SPATA6: variants seen among roughly 807,000 people sequenced by gnomAD.
The protein encoded by SPATA6 is spermatogenesis associated 6, also known as spermatogenesis-associated protein 6.
A neutral mutation model predicts 65.3 loss-of-function variants in SPATA6; 56 were observed. The ratio of observed to expected loss-of-function variants is 0.86; its 90% CI spans 0.69 to 1.07. SPATA6 has a LOEUF of 1.07. Ranked by LOEUF, SPATA6 falls within the 50% of genes least tolerant of loss-of-function variation. The pLI, the probability that SPATA6 is intolerant of heterozygous loss-of-function variation, is 0.00. For synonymous variants in SPATA6, 199 were observed against 213.2 expected (o/e 0.93, Z 0.58); for missense variants, 590 against 594.8 (o/e 0.99, Z 0.08).
At chr1:48,283,754 G>A in the SPATA6 span, among the ~76,000 whole-genome samples, 1 of 133,666 alleles carries the variant, frequency 7.5e-6, no homozygotes, top group Non-Finnish European at 1.6e-5. Context: ...CTGAATATTG[G>A]TCCCCACTCT....
At chr1:48,388,341 C>T (rs891570085) in intron 8 of SPATA6, among the ~76,000 whole-genome samples, 1 of 151,836 alleles carries the variant, frequency 6.6e-6, no homozygotes, top group Non-Finnish European at 1.5e-5. Flanking sequence ...AGGAAAAAGT[C>T]CCCCCAAAAC....
At chr1:48,467,226 T>C (rs1370635287) in intron 1 of SPATA6, among the ~76,000 whole-genome samples, 3 of 152,126 alleles carry the variant, frequency 2.0e-5, no homozygotes, top group Admixed American at 2.0e-4. Flanking sequence ...CATCCAAACC[T>C]TTCTATGTTT....
chr1:48,364,197 ATTG>A (rs1431614287), intron 9 of SPATA6, among the ~76,000 whole-genome samples: 6 of 152,066 alleles, frequency 3.9e-5, no homozygotes, highest in Admixed American at 2.6e-4. Flanking sequence ...AATCCAATCT[ATTG>A]TTGTTGGACA....
intron 1 of SPATA6, among the ~76,000 whole-genome samples, chr1:48,456,668 C>T (rs1243974054): frequency 6.6e-6 from 1 of 151,904 alleles, no homozygotes; most frequent in Non-Finnish European, 1.5e-5. Flanking sequence ...TAAGAAATAT[C>T]AATAAAGAGA....
intron 1 of SPATA6, among the ~76,000 whole-genome samples, chr1:48,467,926 T>C (rs188015335): frequency 1.7e-4 from 26 of 152,294 alleles, no homozygotes; most frequent in African/African-American, 4.8e-4. Context: ...AGGGGAACCC[T>C]TGTACACCGT....
At chr1:48,469,786 G>A (rs1241890994) in intron 1 of SPATA6, among the ~76,000 whole-genome samples, 3 of 150,428 alleles carry the variant, frequency 2.0e-5, no homozygotes, top group South Asian at 2.1e-4. Flanking sequence ...TAACTTTTAC[G>A]TCTGCTAGTG....
At chr1:48,323,009 G>A (rs1343826626) in intron 11 of SPATA6, among the ~76,000 whole-genome samples, 1 of 152,190 alleles carries the variant, frequency 6.6e-6, no homozygotes, top group African/African-American at 2.4e-5. Context: ...GGAAGACAGT[G>A]TGCCAATTCC....
intron 8 of SPATA6, among the ~76,000 whole-genome samples, chr1:48,385,753 G>A (rs1175783687): frequency 6.6e-6 from 1 of 152,022 alleles, no homozygotes; most frequent in Non-Finnish European, 1.5e-5. Context: ...CTAGATTCAG[G>A]TGTAAAGAAA....
chr1:48,439,040 G>A (rs550909603), intron 3 of SPATA6, among the ~76,000 whole-genome samples: 2 of 152,236 alleles, frequency 1.3e-5, no homozygotes, highest in East Asian at 3.9e-4. Flanking sequence ...TTCCAACCCT[G>A]GAGATCCCTT....
At chr1:48,443,675 C>T (rs1655733297) in intron 3 of SPATA6, among the ~76,000 whole-genome samples, 1 of 152,134 alleles carries the variant, frequency 6.6e-6, no homozygotes, top group Admixed American at 6.5e-5. Context: ...GTATGAGATG[C>T]CACCCGGCGT....
chr1:48,437,576 G>A (rs148091276), intron 3 of SPATA6, among the ~76,000 whole-genome samples: 6 of 152,296 alleles, frequency 3.9e-5, no homozygotes, highest in African/African-American at 1.4e-4. Flanking sequence ...AGAGGACAGT[G>A]CTTCCAAGTA....
In SPATA6 at chr1:48,394,740, G is replaced by A. The variant is rs538206219; in HGVS notation, c.868+527C>T. Among the ~76,000 whole-genome samples the A allele has an allele frequency of 1.3e-3, 203 of 151,416 alleles. 2 individuals are homozygous for A. The Middle Eastern group carries it at 0.014, about 10-fold the overall frequency. On this transcript the variant is annotated intron_variant, in intron 8 of 12. Coordinates refer to ENST00000371847, the MANE Select transcript of SPATA6 (RefSeq NM_019073.4). ...GTAAATTAACTTTAAAGGCTGCTAG[G>A]GAATACTTGTTGAACTCACTAGCCA... is the stretch of plus-strand genomic sequence containing the variant.
intron 5 of SPATA6, among the ~76,000 whole-genome samples, chr1:48,409,267 T>TA (rs1226317400): frequency 1.3e-5 from 2 of 152,202 alleles, no homozygotes; most frequent in Non-Finnish European, 2.9e-5. Flanking sequence ...AATCAAATCT[T>TA]AAAGCTCCAA....
intron 1 of SPATA6, among the ~76,000 whole-genome samples, chr1:48,455,893 C>T (rs1280931624): frequency 6.6e-6 from 1 of 151,940 alleles, no homozygotes; most frequent in Non-Finnish European, 1.5e-5. Context: ...AAAAAACACC[C>T]AGCAGCTTTC....
At chr1:48,361,420 G>A (rs1190986860) in intron 9 of SPATA6, among the ~76,000 whole-genome samples, 2 of 152,044 alleles carry the variant, frequency 1.3e-5, no homozygotes, top group African/African-American at 2.4e-5. Context: ...TGAAGTCATC[G>A]ATAACATCAA....
At chr1:48,342,795 T>A (rs936015212) in intron 11 of SPATA6, among the ~76,000 whole-genome samples, 1 of 152,000 alleles carries the variant, frequency 6.6e-6, no homozygotes, top group African/African-American at 2.4e-5. Context: ...CACACATGGG[T>A]CCACTTTGTG....
chr1:48,399,054 C>A (rs1570448948), intron 7 of SPATA6: 1 of 251,878 alleles, frequency 4.0e-6, no homozygotes, highest in Non-Finnish European at 7.5e-6. Flanking sequence ...ATGTCAATTA[C>A]AACCAAGTTC....
At chr1:48,434,514 T>C (rs552896426) in intron 3 of SPATA6, among the ~76,000 whole-genome samples, 14 of 152,298 alleles carry the variant, frequency 9.2e-5, no homozygotes, top group African/African-American at 2.9e-4. Flanking sequence ...AATTGAGACA[T>C]TGACCAAAGA....
intron 9 of SPATA6, among the ~76,000 whole-genome samples, chr1:48,381,199 C>G (rs1439382679): frequency 6.6e-6 from 1 of 152,118 alleles, no homozygotes; most frequent in Admixed American, 6.5e-5. Context: ...GACAACTACT[C>G]GTCTGTGGCC....
Sources: gnomAD v4.1 joint callset for allele counts (sites outside exome capture counted in the v4.1 genomes callset) on GRCh38, gnomAD v4.1.1 for gene constraint, MANE v1.5 for transcripts, NCBI Gene and HGNC (gene_info 2026-07-23, HGNC 2026-07-21) for gene names.